Variants in PDZRN4 observed in about 807,000 individuals in gnomAD.
PDZRN4 encodes PDZ domain-containing RING finger protein 4.
A neutral mutation model predicts 99.0 loss-of-function variants in PDZRN4; 70 were observed. That is an observed-to-expected ratio of 0.71 (90% CI 0.58 to 0.86). The LOEUF is 0.86. Among genes scored for constraint, PDZRN4 ranks in the 40% least tolerant of loss-of-function variants. The probability of loss-of-function intolerance (pLI) is 0.00; values close to 1 mark genes in which losing one functional copy is unlikely to be tolerated. For synonymous variants in PDZRN4, 551 were observed against 501.6 expected (o/e 1.10, Z -1.32); for missense variants, 1,474 against 1,331.2 (o/e 1.11, Z -1.67).
intron 3 of PDZRN4, among the ~76,000 whole-genome samples, chr12:41,274,352 T>C (rs967943867): frequency 2.0e-5 from 3 of 152,164 alleles, no homozygotes; most frequent in Non-Finnish European, 4.4e-5. Flanking sequence ...TTTAAATAGA[T>C]ATGGCACAAA....
At position 41,198,051 on chromosome 12, in the gene PDZRN4, A is replaced by C. The variant is rs182622483; in HGVS notation, c.843+3863A>C. 2.0e-5 allele frequency among the ~76,000 whole-genome samples: 3 copies of C among 151,002 alleles called. No homozygotes were observed. The South Asian group carries it at 6.3e-4, about 32-fold the overall frequency. ...AGCCTAAGCCTCCCAAGTAGCTGGGACTACAGGTGCACCCCACCTCACCTG... is the reference window on the plus strand; with the variant it reads ...AGCCTAAGCCTCCCAAGTAGCTGGGCCTACAGGTGCACCCCACCTCACCTG... On this transcript the variant is annotated intron_variant, in intron 3 of 9. Coordinates refer to ENST00000402685, the MANE Select transcript of PDZRN4 (RefSeq NM_001164595.2).
intron 3 of PDZRN4, among the ~76,000 whole-genome samples, chr12:41,279,931 C>T (rs751016792): frequency 6.6e-6 from 1 of 152,132 alleles, no homozygotes; most frequent in African/African-American, 2.4e-5. Context: ...GCAAGATGGC[C>T]GAATAGGAAC....
At chr12:41,208,349 A>T (rs1031495865) in intron 3 of PDZRN4, among the ~76,000 whole-genome samples, 2 of 151,968 alleles carry the variant, frequency 1.3e-5, no homozygotes, top group Non-Finnish European at 2.9e-5. Context: ...TTAATATTTC[A>T]GGTGGTTTTC....
chr12:41,203,598 G>A (rs1006243715), intron 3 of PDZRN4, among the ~76,000 whole-genome samples: 8 of 152,008 alleles, frequency 5.3e-5, no homozygotes, highest in Non-Finnish European at 1.2e-4. Flanking sequence ...AACACTCTAT[G>A]AGGTTGGTAC....
intron 3 of PDZRN4, among the ~76,000 whole-genome samples, chr12:41,458,822 G>C (rs916176130): frequency 1.3e-5 from 2 of 152,160 alleles, no homozygotes; most frequent in African/African-American, 4.8e-5. Context: ...AGACATGGCA[G>C]TGAAGGGAAG....
chr12:41,520,765 G>A (rs921100896), intron 5 of PDZRN4, among the ~76,000 whole-genome samples: 2 of 151,822 alleles, frequency 1.3e-5, no homozygotes, highest in African/African-American at 4.8e-5. Flanking sequence ...AAAGATGTCA[G>A]CAGTAATAAT....
At chr12:41,324,443 A>C (rs74079528) in intron 3 of PDZRN4, among the ~76,000 whole-genome samples, 1 of 152,082 alleles carries the variant, frequency 6.6e-6, no homozygotes, top group Non-Finnish European at 1.5e-5. Context: ...GAAATTATAC[A>C]ATTTATATGA....
chr12:41,387,092 A>G (rs1236425665), intron 3 of PDZRN4, among the ~76,000 whole-genome samples: 1 of 152,186 alleles, frequency 6.6e-6, no homozygotes, highest in East Asian at 1.9e-4. Context: ...ACCAAAAACA[A>G]TGGCAATAAA....
chr12:41,266,529 C>A (rs1951278375), intron 3 of PDZRN4, among the ~76,000 whole-genome samples: 1 of 152,136 alleles, frequency 6.6e-6, no homozygotes, highest in African/African-American at 2.4e-5. Flanking sequence ...AGATCCCAGG[C>A]TACTCTTTGA....
chr12:41,532,193 G>T (rs190398484), intron 5 of PDZRN4, among the ~76,000 whole-genome samples: 1 of 152,092 alleles, frequency 6.6e-6, no homozygotes, highest in African/African-American at 2.4e-5. Context: ...TTTTCACCTG[G>T]TATGTAGTTA....
At position 41,188,634 on chromosome 12, in the gene PDZRN4, C is replaced by T; in HGVS notation, c.179C>T (p.Ala60Val). 6.5e-7 allele frequency: 1 copy of T among 1,540,428 alleles called. No individual in the cohort carries two copies. Among genetic ancestry groups the T allele is most frequent in the Non-Finnish European group, 8.7e-7 (1 of 1,150,172 alleles). The change falls in exon 1 of 10, where the codon GCG becomes GTG. Residue 60 changes from alanine (A) to valine (V), a missense_variant. By Grantham distance (64) the Ala-to-Val change is moderately conservative (BLOSUM62 0). Coordinates refer to ENST00000402685, the MANE Select transcript of PDZRN4 (RefSeq NM_001164595.2). ...TGCCCGCTGCAGTGCCAGCCCTTGG[C>T]GCCCGGCGAGCTGTACCGGGTGCTG... The part of the protein sequence containing the change: ...RRCPLQCQPL[A>V]PGELYRVLPL...
rs192943741 is a variant in PDZRN4, at chr12:41,354,793, A to G, written c.844-151663A>G. 1.8e-3 allele frequency among the ~76,000 whole-genome samples: 267 copies of G among 152,204 alleles called. 1 individual carries two copies. The highest frequency in any genetic ancestry group is 6.1e-3 in the African/African-American group (252 of 41,548). ...ATTCAATTAGATATTAAAGGTTGGT[A>G]TGGCTCATACAGGACACTCCTCCAT... On this transcript the variant is annotated intron_variant, in intron 3 of 9. Coordinates refer to ENST00000402685, the MANE Select transcript of PDZRN4 (RefSeq NM_001164595.2).
At chr12:41,235,392 T>C (rs952497458) in intron 3 of PDZRN4, among the ~76,000 whole-genome samples, 5 of 152,154 alleles carry the variant, frequency 3.3e-5, no homozygotes, top group Non-Finnish European at 7.4e-5. Flanking sequence ...TTCAATATTA[T>C]AGTTTTTCTT....
At chr12:41,411,717 G>C (rs1592049623) in intron 3 of PDZRN4, 1 of 152,276 alleles carries the variant, frequency 6.6e-6, no homozygotes, top group South Asian at 2.1e-4. Flanking sequence ...ACATCAAAAG[G>C]CATTTCATTT....
chr12:41,291,389 T>C (rs1951455913), intron 3 of PDZRN4, among the ~76,000 whole-genome samples: 1 of 152,166 alleles, frequency 6.6e-6, no homozygotes, highest in African/African-American at 2.4e-5. Flanking sequence ...TAGCCAGAAT[T>C]CAGTTTTACC....
chr12:41,319,010 G>T (rs1951657169), intron 3 of PDZRN4, among the ~76,000 whole-genome samples: 2 of 152,088 alleles, frequency 1.3e-5, no homozygotes, highest in Non-Finnish European at 2.9e-5. Flanking sequence ...TTAAACCCTA[G>T]CACGTATGTT....
chr12:41,262,419 A>C (rs1951246361), intron 3 of PDZRN4, among the ~76,000 whole-genome samples: 1 of 152,220 alleles, frequency 6.6e-6, no homozygotes, highest in South Asian at 2.1e-4. Context: ...CTGAGTATGC[A>C]AAAATGAGTA....
At chr12:41,258,791 A>C (rs992452087) in intron 3 of PDZRN4, among the ~76,000 whole-genome samples, 11 of 152,122 alleles carry the variant, frequency 7.2e-5, no homozygotes, top group African/African-American at 2.7e-4. Context: ...GCTAAGAGAT[A>C]TGTCAGGTGG....
chr12:41,502,968 ATTC>A (rs1180439022), intron 3 of PDZRN4, among the ~76,000 whole-genome samples: 4 of 152,252 alleles, frequency 2.6e-5, no homozygotes, highest in Non-Finnish European at 5.9e-5. Flanking sequence ...TTCCCATATA[ATTC>A]TTCTCTCTAG....
Sources: allele counts gnomAD v4.1 joint callset (sites outside exome capture counted in the v4.1 genomes callset), GRCh38; gene constraint gnomAD v4.1.1; transcripts MANE v1.5; gene names NCBI Gene and HGNC (gene_info 2026-07-23, HGNC 2026-07-21).